SLC13A3: variants seen among roughly 807,000 people sequenced by gnomAD.
SLC13A3 encodes solute carrier family 13 member 3, also known as Na(+)/dicarboxylate cotransporter 3.
Under a neutral mutation model 59.0 loss-of-function variants are expected in SLC13A3, and 40 were observed. The observed-to-expected ratio is 0.68, with a 90% CI of 0.53 to 0.88. The LOEUF (loss-of-function observed/expected upper bound fraction) is 0.88. Ranked by LOEUF, SLC13A3 falls within the 40% of genes least tolerant of loss-of-function variation. The pLI is 0.00. For missense variants in SLC13A3, 699 were observed against 783.2 expected (o/e 0.89, Z 1.28); for synonymous variants, 317 against 330.3 (o/e 0.96, Z 0.44).
rs141910662 is a variant in SLC13A3 at position 46,610,575 on chromosome 20, A to G, written c.412T>C (p.Leu138=). Residue 138 remains leucine, a synonymous_variant, in exon 3 of 13, where the codon TTG becomes CTG. Transcript: ENST00000279027. ...ILGMMVTTSF[L]SMWLSNTAST... is the part of the protein sequence containing the mutation. ...GCGGTGTTGCTCAGCCACATGGACAAGAACGAGGTGGTCACCATCATCCCC... is the reference window on the plus strand; with the variant it reads ...GCGGTGTTGCTCAGCCACATGGACAGGAACGAGGTGGTCACCATCATCCCC... 339 of 1,614,084 alleles carry G rather than the reference A, an allele frequency of 2.1e-4. 3 individuals carry two copies. In the African/African-American group the frequency reaches 3.7e-3, roughly 17 times the overall value.
intron 8 of SLC13A3, chr20:46,583,901 T>C: frequency 2.0e-6 from 2 of 985,366 alleles, no homozygotes; most frequent in Non-Finnish European, 2.4e-6. Context: ...CAAATGCTTA[T>C]CTTCCCAACT....
intron 9 of SLC13A3, chr20:46,582,880 C>A: frequency 1.0e-6 from 1 of 985,386 alleles, no homozygotes; most frequent in Non-Finnish European, 1.2e-6. Flanking sequence ...GAGGGAGTCG[C>A]AAGCTGGCAA....
chr20:46,566,404 G>C lies in SLC13A3; in HGVS notation c.1333-14C>G, dbSNP rs542086274. 1.2e-6 allele frequency: 2 copies of C among 1,610,056 alleles called. No homozygotes were observed. The highest frequency in any genetic ancestry group is 1.3e-5 in the African/African-American group (1 of 74,956). On this transcript the variant is annotated splice_polypyrimidine_tract_variant and intron_variant, in intron 10 of 12. Coordinates refer to ENST00000279027, the MANE Select transcript of SLC13A3 (RefSeq NM_022829.6). Reference sequence around the variant, plus strand: ...CAGCCCCGATTCCTGCGGAGGGAAAGGCATTCCTTCATACCCCAGCCCATC... The same window carrying C: ...CAGCCCCGATTCCTGCGGAGGGAAACGCATTCCTTCATACCCCAGCCCATC...
intron 1 of SLC13A3, among the ~76,000 whole-genome samples, chr20:46,630,150 C>T (rs1045036666): frequency 1.3e-5 from 2 of 152,184 alleles, no homozygotes; most frequent in Admixed American, 6.5e-5. Context: ...TTACTCAATG[C>T]GAAGACCCAA....
Position 46,588,040 on chromosome 20 carries a change from TGGGTCCCCAGAGTCTCACCCAGGATTGAA to T in SLC13A3, c.1111_1121+18del, listed in dbSNP as rs765279916. ...ATCCTCCCTGTTGGACTCCTCCCTG[TGGGTCCCCAGAGTCTCACCCAGGATTGAA>T]GAGGCTGGCCCAGCCAGGGATGAAC... On this transcript the variant is annotated splice_donor_variant and splice_donor_5th_base_variant and coding_sequence_variant and intron_variant, in exon 8 of 13. Coordinates refer to ENST00000279027, the MANE Select transcript of SLC13A3 (RefSeq NM_022829.6). LOFTEE classifies it high-confidence loss of function. 1.3e-6 allele frequency: 2 copies of T among 1,511,554 alleles called. No individual in the cohort carries two copies. The highest frequency in any genetic ancestry group is 1.8e-6 in the Non-Finnish European group (2 of 1,098,044). 93.6% of individuals were successfully genotyped at this position (1,511,554 alleles called of 1,614,324 possible). A position where few individuals can be genotyped will look rare whatever the true frequency, so the allele number is the denominator to read the frequency against.
At chr20:46,568,240 A>G (rs1399815865) in intron 10 of SLC13A3, among the ~76,000 whole-genome samples, 1 of 151,734 alleles carries the variant, frequency 6.6e-6, no homozygotes, top group Non-Finnish European at 1.5e-5. Flanking sequence ...CTAAAAAAAA[A>G]TACAAAAATT....
chr20:46,584,015 T>C (rs1385795752), intron 8 of SLC13A3: 1 of 985,144 alleles, frequency 1.0e-6, no homozygotes, highest in Non-Finnish European at 1.2e-6. Context: ...CCGGGACTCC[T>C]GTAAGAGCCC....
chr20:46,630,573 C>A (rs1445318823), intron 1 of SLC13A3, among the ~76,000 whole-genome samples: 1 of 152,200 alleles, frequency 6.6e-6, no homozygotes, highest in African/African-American at 2.4e-5. Context: ...GTCTTTCCTT[C>A]TTTCATCAAA....
At chr20:46,581,395 C>G (rs964350726) in intron 9 of SLC13A3, among the ~76,000 whole-genome samples, 2 of 152,194 alleles carry the variant, frequency 1.3e-5, no homozygotes, top group African/African-American at 2.4e-5. Flanking sequence ...CAAGCTGGAC[C>G]AACCCGACTC....
chr20:46,640,241 T>C (rs920611853), intron 1 of SLC13A3, among the ~76,000 whole-genome samples: 38 of 152,200 alleles, frequency 2.5e-4, no homozygotes, highest in Admixed American at 2.2e-3. Context: ...CACTTTCTTG[T>C]AGGGGAGCTG....
At position 46,632,931 on chromosome 20, in the gene SLC13A3, C is replaced by CCACCCA. The variant is rs1568947791; in HGVS notation, c.111+18379_111+18380insTGGGTG. Among the ~76,000 whole-genome samples, 17 of 34,598 alleles carry CCACCCA rather than the reference C, an allele frequency of 4.9e-4. 1 individual carries two copies. The highest frequency in any genetic ancestry group is 3.2e-4 in the Non-Finnish European group (5 of 15,636). 22.7% of individuals were successfully genotyped at this position (34,598 alleles called of 152,430 possible). On this transcript the variant is annotated intron_variant, in intron 1 of 12. Transcript: ENST00000279027. ...TAGATATATCTATCTATCTATCTAT[C>CCACCCA]TATCTATCTATCTATCTATCTATCT... is the stretch of plus-strand genomic sequence containing the variant.
intron 1 of SLC13A3, among the ~76,000 whole-genome samples, chr20:46,629,243 T>C (rs1206973999): frequency 6.6e-6 from 1 of 152,254 alleles, no homozygotes; most frequent in African/African-American, 2.4e-5. Context: ...AATTAGCAGA[T>C]ATTTAATTAT....
intron 3 of SLC13A3, among the ~76,000 whole-genome samples, chr20:46,602,772 T>C (rs1600545162): frequency 6.6e-6 from 1 of 152,184 alleles, no homozygotes; most frequent in Non-Finnish European, 1.5e-5. Flanking sequence ...CCAAATGTCA[T>C]TGGTAATGAA....
chr20:46,585,342 A>G (rs1194020157), intron 8 of SLC13A3: 2 of 1,000,952 alleles, frequency 2.0e-6, no homozygotes, highest in Non-Finnish European at 2.4e-6. Flanking sequence ...ATAAAGAGCC[A>G]CTAACTTTTC....
intron 1 of SLC13A3, among the ~76,000 whole-genome samples, chr20:46,678,721 T>C (rs540808100): frequency 1.2e-4 from 19 of 152,312 alleles, no homozygotes; most frequent in African/African-American, 4.3e-4. Flanking sequence ...TCTTGTATCT[T>C]ATTGGCCAGA....
chr20:46,657,050 A>G (rs146472349), intron 1 of SLC13A3, among the ~76,000 whole-genome samples: 8 of 152,132 alleles, frequency 5.3e-5, no homozygotes, highest in African/African-American at 1.9e-4. Context: ...TGTCATCTTA[A>G]TATTAAGCAT....
chr20:46,613,457 T>A lies in SLC13A3; in HGVS notation c.377+3A>T. ...TAGGGCTGGAACCATTACCTGTTCTTACCTGGCCGGCTGGACTCCAACAAG... is the reference window on the plus strand; with the variant it reads ...TAGGGCTGGAACCATTACCTGTTCTAACCTGGCCGGCTGGACTCCAACAAG... On this transcript the variant is annotated splice_donor_region_variant and intron_variant, in intron 2 of 12. Coordinates refer to ENST00000279027, the MANE Select transcript of SLC13A3 (RefSeq NM_022829.6). 6.3e-7 allele frequency: 1 copy of A among 1,581,100 alleles called. No homozygotes were observed. Among genetic ancestry groups the A allele is most frequent in the Non-Finnish European group, 8.6e-7 (1 of 1,161,772 alleles).
chr20:46,593,459 G>A (rs1274997468), intron 5 of SLC13A3, among the ~76,000 whole-genome samples: 1 of 152,092 alleles, frequency 6.6e-6, no homozygotes, highest in African/African-American at 2.4e-5. Context: ...AACCTTAACA[G>A]TTATTGTATA....
At chr20:46,597,893 T>A (rs867968597) in intron 4 of SLC13A3, among the ~76,000 whole-genome samples, 17 of 152,376 alleles carry the variant, frequency 1.1e-4, no homozygotes, top group Middle Eastern at 6.8e-3. Flanking sequence ...TCTAAGCGAA[T>A]GAAACTGAGA....
Sources: gnomAD v4.1 joint callset for allele counts (sites outside exome capture counted in the v4.1 genomes callset) on GRCh38, gnomAD v4.1.1 for gene constraint, MANE v1.5 for transcripts, NCBI Gene and HGNC (gene_info 2026-07-23, HGNC 2026-07-21) for gene names.